The following POLD3 variants were observed in gnomAD, a reference collection of about 807,000 sequenced individuals.
POLD3 encodes the protein DNA polymerase delta 3, accessory subunit, also known as DNA polymerase delta subunit 3.
Under a neutral mutation model 58.2 loss-of-function variants are expected in POLD3, and 19 were observed. That is an observed-to-expected ratio of 0.33 (90% CI 0.23 to 0.48). The LOEUF (loss-of-function observed/expected upper bound fraction) is 0.48, where lower values mean the gene tolerates loss of function less well. POLD3 is among the 20% of genes least tolerant of loss of function. The probability of loss-of-function intolerance (pLI) is 0.99; values close to 1 mark genes in which losing one functional copy is unlikely to be tolerated. For missense variants in POLD3, 504 were observed against 545.5 expected, an observed-to-expected ratio of 0.92 and a Z score of 0.76; for synonymous variants, 172 against 193.5, an observed-to-expected ratio of 0.89 and a Z score of 0.92.
At chr11:74,623,013 T>A (rs193180091) in intron 7 of POLD3, among the ~76,000 whole-genome samples, 1 of 152,294 alleles carries the variant, frequency 6.6e-6, no homozygotes, top group Admixed American at 6.5e-5. Context: ...TAAAAAGTAA[T>A]GAAGTACAGA....
chr11:74,608,219 G>A (rs959468014), intron 3 of POLD3, among the ~76,000 whole-genome samples: 1 of 152,146 alleles, frequency 6.6e-6, no homozygotes, highest in African/African-American at 2.4e-5. Context: ...GGGTCCAAGC[G>A]ATCCCCTTGC....
At chr11:74,604,894 A>G (rs937140458) in intron 3 of POLD3, 100 bp downstream of exon 3, 5 of 677,096 alleles carry the variant, frequency 7.4e-6, no homozygotes, top group African/African-American at 1.8e-5. Flanking sequence ...ATTCTGTGTT[A>G]TAGTAGTTTT....
At chr11:74,629,496 G>A (rs2032527855) in intron 9 of POLD3, among the ~76,000 whole-genome samples, 173 bp downstream of exon 9, 2 of 151,950 alleles carry the variant, frequency 1.3e-5, no homozygotes, top group Admixed American at 1.3e-4. Flanking sequence ...CTAGAACCAT[G>A]ATCTTTTGGA....
chr11:74,633,448 T>C (rs1194166938), intron 9 of POLD3, among the ~76,000 whole-genome samples: 2 of 152,262 alleles, frequency 1.3e-5, no homozygotes, highest in Non-Finnish European at 2.9e-5. Flanking sequence ...TTCACCTCTT[T>C]AGGCCATTTG....
chr11:74,619,163 G>C (rs7943085), intron 6 of POLD3, among the ~76,000 whole-genome samples: 60,214 of 151,920 alleles, frequency 0.4, 12,954 homozygotes, highest in African/African-American at 0.56. Flanking sequence ...CTTATATTCT[G>C]GGCTTTGCAA....
chr11:74,649,240 A>T (rs2033038231), intron 4 of POLD3, among the ~76,000 whole-genome samples: 1 of 152,188 alleles, frequency 6.6e-6, no homozygotes, highest in East Asian at 1.9e-4. Flanking sequence ...ACTAACACCT[A>T]TTCTATGCCA....
At chr11:74,654,864 G>C (rs1396331476) in intron 4 of POLD3, among the ~76,000 whole-genome samples, 1 of 152,168 alleles carries the variant, frequency 6.6e-6, no homozygotes, top group Non-Finnish European at 1.5e-5. Flanking sequence ...AATTCAGCTA[G>C]CCTGAAGTTG....
chr11:74,617,131 A>G (rs1432638548), intron 5 of POLD3, among the ~76,000 whole-genome samples: 1 of 145,780 alleles, frequency 6.9e-6, no homozygotes, highest in Non-Finnish European at 1.5e-5. Flanking sequence ...TGCTTTAAGT[A>G]CAATCCTTTG....
chr11:74,659,397 C>A (rs1321481230), intron 4 of POLD3, among the ~76,000 whole-genome samples: 2 of 152,162 alleles, frequency 1.3e-5, no homozygotes, highest in Non-Finnish European at 2.9e-5. Flanking sequence ...AGACATTTTC[C>A]CCATGGTCTT....
At chr11:74,614,864 G>C (rs1294949580) in intron 5 of POLD3, among the ~76,000 whole-genome samples, 1 of 152,166 alleles carries the variant, frequency 6.6e-6, no homozygotes, top group Non-Finnish European at 1.5e-5. Flanking sequence ...AACAGGAGGA[G>C]CAGGCTTTAG....
intron 4 of POLD3, among the ~76,000 whole-genome samples, chr11:74,661,266 C>G (rs1439129639): frequency 2.6e-5 from 4 of 152,118 alleles, no homozygotes; most frequent in African/African-American, 9.7e-5. Context: ...GGATGTTTGT[C>G]AGTGTCTAGG....
At chr11:74,619,993 CAT>C (rs760221100) in intron 6 of POLD3, 22 bp from the exon 7 acceptor site, 2 of 1,601,228 alleles carry the variant, frequency 1.2e-6, no homozygotes, top group South Asian at 2.2e-5. Context: ...AGCAAAAAAT[CAT>C]ATGTGTTTTC....
At chr11:74,663,906 T>C (rs992223775) in intron 4 of POLD3, among the ~76,000 whole-genome samples, 1 of 152,146 alleles carries the variant, frequency 6.6e-6, no homozygotes, top group African/African-American at 2.4e-5. Context: ...TTATCCAGTG[T>C]ATATAAAAAA....
At chr11:74,650,235 A>G (rs1229973811) in intron 4 of POLD3, among the ~76,000 whole-genome samples, 2 of 152,116 alleles carry the variant, frequency 1.3e-5, no homozygotes, top group Non-Finnish European at 2.9e-5. Context: ...TGGAGTGCCT[A>G]CTTTGTGCTG....
exon 5 of POLD3, chr11:74,668,858 G>A: frequency 2.6e-6 from 3 of 1,169,116 alleles, no homozygotes; most frequent in Non-Finnish European, 3.4e-6. Flanking sequence ...GAGAGGTAGG[G>A]TAGGATCTGA....
At chr11:74,638,527 G>T in intron 11 of POLD3, 3 of 430,664 alleles carry the variant, frequency 7.0e-6, no homozygotes, top group South Asian at 5.0e-5. Flanking sequence ...TTTCCTTTCT[G>T]TATCTGTAGA....
intron 4 of POLD3, among the ~76,000 whole-genome samples, chr11:74,661,668 C>T (rs2033208534): frequency 2.0e-5 from 3 of 152,300 alleles, no homozygotes; most frequent in Admixed American, 2.0e-4. Flanking sequence ...TTACCCAAGA[C>T]CCCGTTAGCC....
Position 74,594,033 on chromosome 11 carries a change from A to G in POLD3, c.61-28A>G, listed in dbSNP as rs368799081. The G allele has an allele frequency of 1.5e-3, 2,162 of 1,416,394 alleles. 4 individuals are homozygous for G. Among genetic ancestry groups the G allele is most frequent in the South Asian group, 5.6e-3 (481 of 86,416 alleles). The allele number at this position is 1,416,394 out of a possible 1,614,324, so 87.7% of individuals were successfully genotyped here. ...GTGCACTCTGGAGTCATCTAATAAA[A>G]CATTTGAAAAATTTTTTCTTGTTAC... On this transcript the variant is annotated intron_variant, in intron 1 of 11. Transcript: ENST00000263681.
chr11:74,653,326 C>CCAG (rs1226489562), intron 4 of POLD3, among the ~76,000 whole-genome samples: 1 of 151,880 alleles, frequency 6.6e-6, no homozygotes, highest in Non-Finnish European at 1.5e-5. Flanking sequence ...GAGAGATACA[C>CCAG]ACACACATAG....
Sources: allele counts gnomAD v4.1 joint callset (sites outside exome capture counted in the v4.1 genomes callset), GRCh38; gene constraint gnomAD v4.1.1; transcripts MANE v1.5; gene names NCBI Gene and HGNC (gene_info 2026-07-23, HGNC 2026-07-21).